Variants in UROS observed in about 807,000 individuals in gnomAD.
UROS encodes uroporphyrinogen III synthase, also known as uroporphyrinogen-III synthase.
Under a neutral mutation model 33.0 loss-of-function variants are expected in UROS, and 18 were observed. The ratio of observed to expected loss-of-function variants is 0.55; its 90% CI spans 0.38 to 0.81. The LOEUF (loss-of-function observed/expected upper bound fraction) is 0.81, where lower values mean the gene tolerates loss of function less well. Among genes scored for constraint, UROS ranks in the 30% least tolerant of loss-of-function variants. The pLI is 0.00. For missense variants in UROS, 293 were observed against 314.9 expected, an observed-to-expected ratio of 0.93 and a Z score of 0.53; for synonymous variants, 114 against 121.1, an observed-to-expected ratio of 0.94 and a Z score of 0.38.
At position 125,797,188 on chromosome 10, in the gene UROS, T is replaced by C. The variant is rs114516989; in HGVS notation, c.475+877A>G. ...TTAATACGGGGGGAAAGTTACAAGGTCTAAGGTCATCCTGGGTCACACTGC... is the reference window on the plus strand; with the variant it reads ...TTAATACGGGGGGAAAGTTACAAGGCCTAAGGTCATCCTGGGTCACACTGC... On this transcript the variant is annotated intron_variant, in intron 7 of 9. Coordinates refer to ENST00000368797, the MANE Select transcript of UROS (RefSeq NM_000375.3). 2.8e-3 allele frequency among the ~76,000 whole-genome samples: 428 copies of C among 152,254 alleles called. 3 individuals are homozygous for C. The highest frequency in any genetic ancestry group is 9.9e-3 in the African/African-American group (413 of 41,538).
chr10:125,795,341 T>A (rs1851265917), intron 8 of UROS: 1 of 313,064 alleles, frequency 3.2e-6, no homozygotes, highest in Non-Finnish European at 6.1e-6. Flanking sequence ...TGGCTCCCTG[T>A]CAATGCTCCC....
chr10:125,798,744 C>T (rs559360956), intron 6 of UROS, among the ~76,000 whole-genome samples: 2 of 152,226 alleles, frequency 1.3e-5, no homozygotes, highest in Non-Finnish European at 2.9e-5. Context: ...CTAAGAACGG[C>T]CTGCCTCTCC....
At chr10:125,817,448 G>A (rs1375345019) in intron 1 of UROS, among the ~76,000 whole-genome samples, 1 of 150,908 alleles carries the variant, frequency 6.6e-6, no homozygotes, top group Non-Finnish European at 1.5e-5. Flanking sequence ...ATAATATAAG[G>A]AAGGAAGTAT....
intron 3 of UROS, among the ~76,000 whole-genome samples, chr10:125,815,446 G>C (rs1371828349): frequency 1.3e-5 from 2 of 152,200 alleles, no homozygotes; most frequent in African/African-American, 4.8e-5. Context: ...CCTGGGATTA[G>C]AGTGGGGTGC....
downstream of UROS, among the ~76,000 whole-genome samples, chr10:125,787,754 C>T (rs10901432): frequency 2.0e-5 from 3 of 151,904 alleles, no homozygotes; most frequent in African/African-American, 4.8e-5. Context: ...ACCATAATCC[C>T]GTTTTAGAAC....
chr10:125,795,753 G>A (rs1482051617), intron 8 of UROS, among the ~76,000 whole-genome samples: 4 of 152,158 alleles, frequency 2.6e-5, no homozygotes, highest in Admixed American at 6.5e-5. Flanking sequence ...AAAAAGCTTT[G>A]CGTAAATTAT....
downstream of UROS, among the ~76,000 whole-genome samples, chr10:125,787,458 T>G (rs1234970569): frequency 6.6e-6 from 1 of 152,106 alleles, no homozygotes; most frequent in Non-Finnish European, 1.5e-5. Flanking sequence ...ATTCCTGCAA[T>G]CCAGCAGTTT....
At chr10:125,810,408 C>T (rs1852704947) in intron 5 of UROS, among the ~76,000 whole-genome samples, 1 of 152,110 alleles carries the variant, frequency 6.6e-6, no homozygotes, top group African/African-American at 2.4e-5. Flanking sequence ...TCTTCTGAGG[C>T]CACTGACAGC....
chr10:125,790,023 C>T (rs1216585563), intron 9 of UROS, among the ~76,000 whole-genome samples: 2 of 152,226 alleles, frequency 1.3e-5, no homozygotes, highest in Admixed American at 6.5e-5. Context: ...TCCTCCCTCC[C>T]AGCAAGTGAG....
intron 1 of UROS, among the ~76,000 whole-genome samples, chr10:125,820,156 T>C (rs11599714): frequency 0.42 from 64,208 of 151,960 alleles, 13,831 homozygotes; most frequent in Non-Finnish European, 0.47. Context: ...ACAGAACCAA[T>C]GGCATATATT....
In UROS at chr10:125,788,888, G is replaced by A; in HGVS notation, c.778C>T (p.Gln260Ter). The change falls in exon 10 of 10, where the codon CAG becomes TAG. Residue 260 changes from glutamine (Q) to a stop codon, truncating the protein, a stop_gained. Transcript: ENST00000368797. LOFTEE classifies it high-confidence loss of function. ...CTGACTCAGCAGCAGCCATGGGGCTGGAGAGCCTTCCTGATGCCAGTGGCC... is the reference window on the plus strand; with the variant it reads ...CTGACTCAGCAGCAGCCATGGGGCTAGAGAGCCTTCCTGATGCCAGTGGCC... ...ALATGIRKAL[Q>*]PHGCC 1.3e-6 allele frequency: 2 copies of A among 1,596,812 alleles called. No homozygotes were observed. Among genetic ancestry groups the A allele is most frequent in the African/African-American group, 2.7e-5 (2 of 74,960 alleles).
chr10:125,796,881 C>T, intron 7 of UROS: 1 of 984,916 alleles, frequency 1.0e-6, no homozygotes, highest in Non-Finnish European at 1.2e-6. Context: ...AAATGGGAAA[C>T]TCTCTCAGAA....
At position 125,809,275 on chromosome 10, in the gene UROS, C is replaced by A. The variant is rs541421734; in HGVS notation, c.320-1788G>T. ...GTGCCTACTAAATGGCGCCCAGGTC[C>A]AACTTTGCAATCAGATGGGAAAGTT... On this transcript the variant is annotated intron_variant, in intron 5 of 9. Coordinates refer to ENST00000368797, the MANE Select transcript of UROS (RefSeq NM_000375.3). Among the ~76,000 whole-genome samples the A allele has an allele frequency of 2.0e-5, 3 of 152,354 alleles. No homozygotes were observed. In the South Asian group the frequency reaches 6.2e-4, roughly 32 times the overall value.
At chr10:125,800,870 G>A (rs1589953960) in intron 6 of UROS, among the ~76,000 whole-genome samples, 2 of 152,104 alleles carry the variant, frequency 1.3e-5, no homozygotes, top group East Asian at 1.9e-4. Context: ...GCGCCCAGCT[G>A]AGGGCTTTCC....
downstream of UROS, among the ~76,000 whole-genome samples, chr10:125,787,247 C>T (rs1371982813): frequency 1.3e-5 from 2 of 152,224 alleles, no homozygotes; most frequent in Non-Finnish European, 1.5e-5. Context: ...GAAAAGGAAC[C>T]TATTTTCCCT....
chr10:125,788,781 C>T lies in UROS; in HGVS notation c.*87G>A. ...TGAGGCAGGAGTCTGACGGCAGCAG[C>T]TCCCGAGAGCCCTTGCCGATGCCTG... On this transcript the variant is annotated 3_prime_UTR_variant, in exon 10 of 10. Coordinates refer to ENST00000368797, the MANE Select transcript of UROS (RefSeq NM_000375.3). The T allele has an allele frequency of 6.7e-7, 1 of 1,493,528 alleles. No homozygotes were observed. The highest frequency in any genetic ancestry group is 8.9e-7 in the Non-Finnish European group (1 of 1,119,924). 92.5% of individuals were successfully genotyped at this position (1,493,528 alleles called of 1,614,324 possible).
chr10:125,788,794 T>C lies in UROS; in HGVS notation c.*74A>G, dbSNP rs990461667. On this transcript the variant is annotated 3_prime_UTR_variant, in exon 10 of 10. Coordinates refer to ENST00000368797, the MANE Select transcript of UROS (RefSeq NM_000375.3). ...TGACGGCAGCAGCTCCCGAGAGCCC[T>C]TGCCGATGCCTGGCTCCATCCAGAG... is the stretch of plus-strand genomic sequence containing the variant. 26 of 1,516,870 alleles carry C rather than the reference T, an allele frequency of 1.7e-5. No individual in the cohort carries two copies. The highest frequency in any genetic ancestry group is 2.3e-5 in the Non-Finnish European group (26 of 1,129,132). The allele number at this position is 1,516,870 out of a possible 1,614,324, so 94.0% of individuals were successfully genotyped here.
chr10:125,794,761 C>T, intron 9 of UROS, 119 bp downstream of exon 9: 1 of 970,652 alleles, frequency 1.0e-6, no homozygotes, highest in Non-Finnish European at 1.5e-6. Flanking sequence ...CCTTCCAATT[C>T]TAAGGCACCT....
At position 125,812,251 on chromosome 10, in the gene UROS, C is replaced by A. The variant is rs1852883327; in HGVS notation, c.282G>T (p.Lys94Asn). 6 of 1,613,798 alleles carry A rather than the reference C, an allele frequency of 3.7e-6. No homozygotes were observed. The highest frequency in any genetic ancestry group is 1.3e-5 in the African/African-American group (1 of 74,920). Residue 94 changes from lysine (K) to asparagine (N), a missense_variant, in exon 5 of 10, where the codon AAG (lysine) becomes AAT (asparagine). Lys to Asn is a moderately conservative substitution (Grantham distance 94). Transcript: ENST00000368797. The part of the protein sequence containing the change: ...ERSLKEKWNA[K>N]SVYVVGNATA... ...TAGCATTTCCAACCACATACACTGA[C>A]TTGGCATTCCATTTTTCTTTCAGAG...
Sources: gnomAD v4.1 joint callset for allele counts (sites outside exome capture counted in the v4.1 genomes callset) on GRCh38, gnomAD v4.1.1 for gene constraint, MANE v1.5 for transcripts, NCBI Gene and HGNC (gene_info 2026-07-23, HGNC 2026-07-21) for gene names.